Variants in CWH43 observed in about 807,000 individuals in gnomAD.
CWH43 encodes PGAP2-interacting protein.
CWH43 carries 91 observed loss-of-function variants against 85.7 expected under a neutral mutation model. That is an observed-to-expected ratio of 1.06 (90% CI 0.90 to 1.26). CWH43 has a LOEUF of 1.26. Ranked by LOEUF, CWH43 falls within the 50% of genes most tolerant of loss-of-function variation. CWH43 has a pLI of 0.00. For missense variants in CWH43, 869 were observed against 839.2 expected (o/e 1.04, Z -0.44); for synonymous variants, 323 against 293.6 (o/e 1.10, Z -1.02).
At chr4:48,998,138 C>A (rs945240290) in intron 5 of CWH43, among the ~76,000 whole-genome samples, 4 of 152,072 alleles carry the variant, frequency 2.6e-5, no homozygotes, top group Admixed American at 2.6e-4. Flanking sequence ...ATTCCAATGA[C>A]CTTTGCTTTT....
intron 15 of CWH43, among the ~76,000 whole-genome samples, chr4:49,060,985 ATAAAG>A (rs771339477): frequency 1.3e-5 from 2 of 152,224 alleles, no homozygotes; most frequent in Non-Finnish European, 2.9e-5. Flanking sequence ...TCATTCCATA[ATAAAG>A]TATTCTTCTT....
intron 9 of CWH43, among the ~76,000 whole-genome samples, chr4:49,024,111 T>C (rs562918970): frequency 7.2e-5 from 11 of 152,326 alleles, no homozygotes; most frequent in Non-Finnish European, 1.0e-4. Flanking sequence ...TTCTTTGTCT[T>C]TTTTAACTGC....
At chr4:49,055,236 T>A (rs1784914459) in intron 15 of CWH43, among the ~76,000 whole-genome samples, 1 of 152,238 alleles carries the variant, frequency 6.6e-6, no homozygotes, top group Non-Finnish European at 1.5e-5. Context: ...ATTTTTCAGA[T>A]GCTTTTTCTG....
chr4:49,006,876 CT>C (rs1352152565), intron 7 of CWH43, among the ~76,000 whole-genome samples: 1 of 152,174 alleles, frequency 6.6e-6, no homozygotes, highest in Admixed American at 6.6e-5. Flanking sequence ...GCTCAGAAGA[CT>C]TCACTGTCCC....
At chr4:48,995,094 T>C (rs952759737) in intron 5 of CWH43, among the ~76,000 whole-genome samples, 5 of 152,142 alleles carry the variant, frequency 3.3e-5, no homozygotes, top group Non-Finnish European at 7.4e-5. Flanking sequence ...AGCATAGGCA[T>C]CTCGAGGAAT....
intron 12 of CWH43, among the ~76,000 whole-genome samples, chr4:49,034,379 G>A (rs1229460856): frequency 1.3e-5 from 2 of 151,676 alleles, no homozygotes; most frequent in African/African-American, 2.4e-5. Context: ...CTTTTTCCCC[G>A]TCTCCTTTAA....
chr4:48,999,476 T>C (rs903458880), intron 6 of CWH43, among the ~76,000 whole-genome samples: 2 of 152,214 alleles, frequency 1.3e-5, no homozygotes, highest in African/African-American at 2.4e-5. Context: ...TAATTCTGTT[T>C]TGAGGAATTG....
At chr4:49,046,963 G>A (rs1784644235) in intron 14 of CWH43, among the ~76,000 whole-genome samples, 1 of 152,174 alleles carries the variant, frequency 6.6e-6, no homozygotes, top group African/African-American at 2.4e-5. Flanking sequence ...TGGGGACAAT[G>A]TGGGGAGCCC....
intron 10 of CWH43, 81 bp downstream of exon 10, chr4:49,028,815 C>A: frequency 1.1e-6 from 1 of 873,668 alleles, no homozygotes; most frequent in African/African-American, 1.7e-5. Flanking sequence ...TAAGCCATAA[C>A]TTAATGCAGG....
intron 14 of CWH43, among the ~76,000 whole-genome samples, chr4:49,045,571 A>G (rs1362285799): frequency 6.6e-6 from 1 of 152,178 alleles, no homozygotes; most frequent in Non-Finnish European, 1.5e-5. Context: ...CAGTACAGTT[A>G]CATGCAGTAC....
chr4:48,986,881 T>G, intron 1 of CWH43: 1 of 906,226 alleles, frequency 1.1e-6, no homozygotes, highest in East Asian at 1.1e-4. Flanking sequence ...GGGCACCCGT[T>G]TTCCCCAGGA....
At chr4:49,045,343 C>T (rs1203595737) in intron 14 of CWH43, among the ~76,000 whole-genome samples, 7 of 151,972 alleles carry the variant, frequency 4.6e-5, no homozygotes, top group South Asian at 2.1e-4. Flanking sequence ...AAATATTACC[C>T]GAGTATATCA....
chr4:49,057,607 G>T (rs2109850543), intron 15 of CWH43, among the ~76,000 whole-genome samples: 1 of 152,246 alleles, frequency 6.6e-6, no homozygotes, highest in East Asian at 1.9e-4. Flanking sequence ...TGGGTGAAAT[G>T]CTCTCTATGT....
chr4:49,019,967 C>G (rs1417795091), intron 9 of CWH43, among the ~76,000 whole-genome samples: 2 of 151,926 alleles, frequency 1.3e-5, no homozygotes, highest in Admixed American at 1.3e-4. Flanking sequence ...CACCCGTCAC[C>G]CAAGCAGTGT....
chr4:49,008,384 C>A (rs1259514112), intron 8 of CWH43, among the ~76,000 whole-genome samples: 1 of 146,526 alleles, frequency 6.8e-6, no homozygotes, highest in Non-Finnish European at 1.5e-5. Flanking sequence ...AGCCCTTTGT[C>A]ACATGGATAG....
intron 5 of CWH43, among the ~76,000 whole-genome samples, chr4:48,995,280 C>T (rs1462309931): frequency 6.6e-6 from 1 of 152,122 alleles, no homozygotes; most frequent in Non-Finnish European, 1.5e-5. Context: ...GAGGGCAGCC[C>T]CAGGAGATCC....
chr4:49,026,642 T>C (rs2109799063), intron 9 of CWH43, among the ~76,000 whole-genome samples: 1 of 151,834 alleles, frequency 6.6e-6, no homozygotes, highest in Admixed American at 6.6e-5. Flanking sequence ...CGATATTTGG[T>C]TTTCCATTCC....
chr4:49,028,383 T>C lies in CWH43; in HGVS notation c.1267-246T>C, dbSNP rs548871262. Among the ~76,000 whole-genome samples the C allele has an allele frequency of 2.0e-5, 3 of 152,324 alleles. No individual in the cohort carries two copies. In the East Asian group the frequency reaches 5.8e-4, roughly 29 times the overall value. On this transcript the variant is annotated intron_variant, in intron 9 of 15. Coordinates refer to ENST00000226432, the MANE Select transcript of CWH43 (RefSeq NM_025087.3). Reference sequence around the variant, plus strand: ...TTTTTACTGTTATAAGCAGTGCTTATTACAAAACTCACTTTTCAAACATCC... The same window carrying C: ...TTTTTACTGTTATAAGCAGTGCTTACTACAAAACTCACTTTTCAAACATCC...
chr4:49,017,711 T>A (rs1446241029), intron 9 of CWH43, among the ~76,000 whole-genome samples: 1 of 152,186 alleles, frequency 6.6e-6, no homozygotes, highest in Non-Finnish European at 1.5e-5. Context: ...TCAGAAAGCA[T>A]GGAGGTATCT....
Sources: allele counts gnomAD v4.1 joint callset (sites outside exome capture counted in the v4.1 genomes callset), GRCh38; gene constraint gnomAD v4.1.1; transcripts MANE v1.5; gene names NCBI Gene and HGNC (gene_info 2026-07-23, HGNC 2026-07-21).